Variants in AGBL4 observed in about 807,000 individuals in gnomAD.
AGBL4 encodes the protein cytosolic carboxypeptidase 6.
A neutral mutation model predicts 66.4 loss-of-function variants in AGBL4; 58 were observed. The observed-to-expected ratio is 0.87, with a 90% CI of 0.71 to 1.09. The LOEUF (loss-of-function observed/expected upper bound fraction) is 1.09, where lower values mean the gene tolerates loss of function less well. Among genes scored for constraint, AGBL4 ranks in the 50% least tolerant of loss-of-function variants. AGBL4 has a pLI of 0.00. For synonymous variants in AGBL4, 234 were observed against 222.9 expected, an observed-to-expected ratio of 1.05 and a Z score of -0.44; for missense variants, 579 against 631.0, an observed-to-expected ratio of 0.92 and a Z score of 0.88.
chr1:49,534,567 T>C (rs1040547960), intron 3 of AGBL4, among the ~76,000 whole-genome samples: 17 of 152,138 alleles, frequency 1.1e-4, no homozygotes, highest in Non-Finnish European at 2.4e-4. Context: ...ACAGAAAAGG[T>C]CCATTATTTG....
chr1:49,640,490 T>C (rs1275437455), intron 3 of AGBL4, among the ~76,000 whole-genome samples: 1 of 152,166 alleles, frequency 6.6e-6, no homozygotes, highest in African/African-American at 2.4e-5. Context: ...GAGCACTACT[T>C]AGTTTAGTAT....
chr1:48,872,118 A>G (rs1394767551), intron 5 of AGBL4, among the ~76,000 whole-genome samples: 1 of 152,206 alleles, frequency 6.6e-6, no homozygotes, highest in Admixed American at 6.5e-5. Flanking sequence ...AACTGCAACC[A>G]AGAACTGGGA....
chr1:48,634,509 T>G lies in AGBL4; in HGVS notation c.935A>C (p.Gln312Pro). ...GTTACTTACTGGGTCGTTGTACATC[T>G]GGACGATGAGTTGTTTCACTCCATG... ...TLHGVKQLIV[Q>P]MYNDPKTSLE... The change falls in exon 9 of 14, where the codon CAG (glutamine) becomes CCG (proline). Residue 312 changes from glutamine to proline, a missense_variant. By Grantham distance (76) the Gln-to-Pro change is moderately conservative. Coordinates refer to ENST00000371839, the MANE Select transcript of AGBL4 (RefSeq NM_032785.4). The G allele has an allele frequency of 6.2e-7, 1 of 1,601,774 alleles. No individual in the cohort carries two copies. The highest frequency in any genetic ancestry group is 1.1e-5 in the South Asian group (1 of 88,296).
intron 3 of AGBL4, among the ~76,000 whole-genome samples, chr1:49,336,652 C>A (rs377457753): frequency 6.6e-6 from 1 of 152,158 alleles, no homozygotes; most frequent in South Asian, 2.1e-4. Context: ...TAATTTAAAT[C>A]TTTCATCAGT....
At chr1:48,704,071 T>C (rs1390490758) in intron 6 of AGBL4, among the ~76,000 whole-genome samples, 3 of 152,248 alleles carry the variant, frequency 2.0e-5, no homozygotes, top group Non-Finnish European at 1.5e-5. Flanking sequence ...AGCATGGTAC[T>C]GTACTGAGTA....
At position 48,802,401 on chromosome 1, in the gene AGBL4, T is replaced by C. The variant is rs113838817; in HGVS notation, c.634+64790A>G. On this transcript the variant is annotated intron_variant, in intron 6 of 13. Coordinates refer to ENST00000371839, the MANE Select transcript of AGBL4 (RefSeq NM_032785.4). Reference sequence around the variant, plus strand: ...CCATCATGTCATTTAGAATCTTCAATTGGGACATCTTATTTATGTGTCTGG... The same window carrying C: ...CCATCATGTCATTTAGAATCTTCAACTGGGACATCTTATTTATGTGTCTGG... 6.0e-3 allele frequency among the ~76,000 whole-genome samples: 908 copies of C among 152,012 alleles called. 7 individuals carry two copies. Among genetic ancestry groups the C allele is most frequent in the Non-Finnish European group, 7.6e-3 (517 of 67,974 alleles).
Position 49,851,271 on chromosome 1 carries a change from C to T in AGBL4, c.157+125G>A, listed in dbSNP as rs549277165. 132 of 1,125,626 alleles carry T rather than the reference C, an allele frequency of 1.2e-4. 1 individual carries two copies. The East Asian group carries it at 4.0e-3, about 34-fold the overall frequency. 69.7% of individuals were successfully genotyped at this position (1,125,626 alleles called of 1,614,324 possible). On this transcript the variant is annotated intron_variant, in intron 2 of 13. Coordinates refer to ENST00000371839, the MANE Select transcript of AGBL4 (RefSeq NM_032785.4). The stretch of plus-strand genomic sequence containing the variant: ...TCCTTCAAAATTTTTTCCCATAAAA[C>T]TTGTCCCATTATTGTGAAATATTAA...
intron 3 of AGBL4, among the ~76,000 whole-genome samples, chr1:49,357,764 G>A (rs886812566): frequency 2.6e-5 from 4 of 152,226 alleles, no homozygotes; most frequent in South Asian, 2.1e-4. Context: ...TAGAGTATTC[G>A]TGAAAAATAA....
intron 6 of AGBL4, among the ~76,000 whole-genome samples, chr1:48,851,890 C>T (rs951542617): frequency 1.3e-5 from 2 of 151,306 alleles, no homozygotes; most frequent in Non-Finnish European, 2.9e-5. Context: ...ACCTAATATC[C>T]TGTGGCTAAG....
chr1:49,634,081 ATACTTT>A (rs1170683432), intron 3 of AGBL4, among the ~76,000 whole-genome samples: 4 of 151,928 alleles, frequency 2.6e-5, no homozygotes, highest in African/African-American at 9.7e-5. Context: ...TTTAAAAATT[ATACTTT>A]AAGATCCAGG....
chr1:49,980,247 T>A (rs1037047817), intron 1 of AGBL4, among the ~76,000 whole-genome samples: 1 of 152,112 alleles, frequency 6.6e-6, no homozygotes, highest in Non-Finnish European at 1.5e-5. Flanking sequence ...TTATCTTTAA[T>A]TTTAGTAAAA....
intron 3 of AGBL4, among the ~76,000 whole-genome samples, chr1:49,615,548 T>A (rs1030414591): frequency 2.0e-5 from 3 of 152,138 alleles, no homozygotes; most frequent in Non-Finnish European, 4.4e-5. Flanking sequence ...TTGTAGTTAA[T>A]TCCTGATGTT....
At chr1:48,838,171 C>T (rs1193677930) in intron 6 of AGBL4, among the ~76,000 whole-genome samples, 6 of 151,950 alleles carry the variant, frequency 3.9e-5, no homozygotes, top group Non-Finnish European at 8.8e-5. Context: ...AAATTCAACA[C>T]AGAAATAGAA....
chr1:49,611,292 G>A (rs1254373913), intron 3 of AGBL4, among the ~76,000 whole-genome samples: 1 of 151,500 alleles, frequency 6.6e-6, no homozygotes, highest in East Asian at 1.9e-4. Flanking sequence ...GGAAAAGAGA[G>A]AAGAATGGAT....
chr1:48,726,241 A>G (rs1647264652), intron 6 of AGBL4, among the ~76,000 whole-genome samples: 1 of 152,206 alleles, frequency 6.6e-6, no homozygotes, highest in Admixed American at 6.5e-5. Flanking sequence ...GCACTTGTAA[A>G]GCAGGTACCA....
rs563016109 is a variant in AGBL4, at chr1:48,661,047, C to T, written c.724+2105G>A. On this transcript the variant is annotated intron_variant, in intron 7 of 13. Transcript: ENST00000371839. Reference sequence around the variant, plus strand: ...CAGCCCCATAAGATGAACAAGAAACCCCATTTGACAGATGTGGAAAATGAC... The same window carrying T: ...CAGCCCCATAAGATGAACAAGAAACTCCATTTGACAGATGTGGAAAATGAC... 2.6e-5 allele frequency among the ~76,000 whole-genome samples: 4 copies of T among 152,282 alleles called. No homozygotes were observed. In the South Asian group the frequency reaches 8.3e-4, roughly 32 times the overall value.
chr1:49,706,720 G>T (rs1647238765), intron 2 of AGBL4, among the ~76,000 whole-genome samples: 1 of 152,102 alleles, frequency 6.6e-6, no homozygotes, highest in African/African-American at 2.4e-5. Flanking sequence ...TGCTTTAGCT[G>T]TGTCCCAGAG....
intron 6 of AGBL4, among the ~76,000 whole-genome samples, chr1:48,819,394 C>T (rs1323176290): frequency 1.3e-5 from 2 of 152,068 alleles, no homozygotes; most frequent in Non-Finnish European, 2.9e-5. Flanking sequence ...CTGAGAAAGG[C>T]TAGAGAGGTT....
intron 4 of AGBL4, among the ~76,000 whole-genome samples, chr1:49,191,828 T>C (rs1647126079): frequency 6.6e-6 from 1 of 152,228 alleles, no homozygotes; most frequent in Non-Finnish European, 1.5e-5. Context: ...TTCCATGCTT[T>C]ATATGTATCA....
Sources: allele counts gnomAD v4.1 joint callset (sites outside exome capture counted in the v4.1 genomes callset), GRCh38; gene constraint gnomAD v4.1.1; transcripts MANE v1.5; gene names NCBI Gene and HGNC (gene_info 2026-07-23, HGNC 2026-07-21).